CLSTN3: variants seen among roughly 807,000 people sequenced by gnomAD.
CLSTN3 encodes the protein calsyntenin-3.
CLSTN3 carries 36 observed loss-of-function variants against 95.9 expected under a neutral mutation model. The observed-to-expected ratio is 0.38, with a 90% CI of 0.29 to 0.50. The LOEUF is 0.50. CLSTN3 is among the 20% of genes least tolerant of loss of function. The pLI is 0.95. For synonymous variants in CLSTN3, 481 were observed against 504.0 expected, an observed-to-expected ratio of 0.95 and a Z score of 0.61; for missense variants, 1,084 against 1,268.8, an observed-to-expected ratio of 0.85 and a Z score of 2.21.
In CLSTN3 at chr12:7,141,710, A is replaced by G. The variant is rs1939529314; in HGVS notation, c.1486+306A>G. Among the ~76,000 whole-genome samples the G allele has an allele frequency of 6.6e-6, 1 of 152,144 alleles. No individual in the cohort carries two copies. Among genetic ancestry groups the G allele is most frequent in the Non-Finnish European group, 1.5e-5 (1 of 68,024 alleles). ...AAAGTGATGATGACTTCCATAGCCC[A>G]TTCCCCTGCTCAAGGAGAGTAACCC... On this transcript the variant is annotated intron_variant, in intron 9 of 17. Coordinates refer to ENST00000266546, the MANE Select transcript of CLSTN3 (RefSeq NM_014718.4). The surrounding 1 kb of genome is among the most constrained non-coding windows in gnomAD (Gnocchi z 4.1).
rs751316941 is a variant in CLSTN3 at position 7,150,728 on chromosome 12, C to T, written c.2391+39C>T. 45 of 1,602,250 alleles carry T rather than the reference C, an allele frequency of 2.8e-5. No individual in the cohort carries two copies. Among genetic ancestry groups the T allele is most frequent in the Non-Finnish European group, 3.6e-5 (42 of 1,170,478 alleles). ...CTCCTTCCTTCCACAGTTACCCACC[C>T]CCAGAAAGGAGCTGAGGTGGCATGG... is the stretch of plus-strand genomic sequence containing the variant. On this transcript the variant is annotated intron_variant, in intron 15 of 17. Coordinates refer to ENST00000266546, the MANE Select transcript of CLSTN3 (RefSeq NM_014718.4). This position sits in a 1 kb window ranked among gnomAD's most constrained non-coding sequence, Gnocchi z 4.0.
intron 1 of CLSTN3, chr12:7,131,907 T>G (rs1939312052): frequency 4.4e-6 from 2 of 455,756 alleles, no homozygotes; most frequent in Non-Finnish European, 8.8e-6. Flanking sequence ...AATCAGGGTT[T>G]CTTGCTCACC....
intron 12 of CLSTN3, among the ~76,000 whole-genome samples, chr12:7,143,969 C>T (rs1434475716): frequency 6.6e-6 from 1 of 152,296 alleles, no homozygotes; most frequent in African/African-American, 2.4e-5. Context: ...CACGGTGGCT[C>T]ACGCCTGTAA....
At position 7,149,172 on chromosome 12, in the gene CLSTN3, A is replaced by G. The variant is rs1307978446; in HGVS notation, c.2048A>G (p.Lys683Arg). 6.2e-7 allele frequency: 1 copy of G among 1,614,148 alleles called. No homozygotes were observed. Among genetic ancestry groups the G allele is most frequent in the South Asian group, 1.1e-5 (1 of 91,082 alleles). ...TCCATTTCTCACCAGGTGGAGGCCA[A>G]AAAGGATGAGAGTTGGCAGGGCACA... ...TCSISHQVEA[K>R]KDESWQGTVT... Residue 683 changes from lysine (K) to arginine (R), a missense_variant, in exon 13 of 18, where the codon AAA becomes AGA. Coordinates refer to ENST00000266546, the MANE Select transcript of CLSTN3 (RefSeq NM_014718.4). This position sits in a 1 kb window ranked among gnomAD's most constrained non-coding sequence, Gnocchi z 4.5.
intron 16 of CLSTN3, among the ~76,000 whole-genome samples, chr12:7,153,286 A>T (rs975599544): frequency 1.3e-5 from 2 of 152,270 alleles, no homozygotes; most frequent in Non-Finnish European, 1.5e-5. Context: ...CCTGAGGAGC[A>T]GATGCATGCC....
rs138902965 is a variant in CLSTN3 at position 7,136,510 on chromosome 12, G to C, written c.928+119G>C. On this transcript the variant is annotated intron_variant, in intron 6 of 17. Transcript: ENST00000266546. ...CATCCACAGGTGTTTATCCATAGAG[G>C]TTGTGACACGATTAGCATTTGCGGC... The C allele has an allele frequency of 3.3e-5, 34 of 1,040,648 alleles. No individual in the cohort carries two copies. In the African/African-American group the frequency reaches 4.9e-4, roughly 15 times the overall value. The allele number at this position is 1,040,648 out of a possible 1,614,324, so 64.5% of individuals were successfully genotyped here.
rs1443972078 is a variant in CLSTN3, at chr12:7,149,258, G to A, written c.2074+60G>A. Reference sequence around the variant, plus strand: ...GAACCAGCCAGTGTCTGGAGTCAGAGTGTGGGAGAACTCCTGGGGCTGGAA... The same window carrying A: ...GAACCAGCCAGTGTCTGGAGTCAGAATGTGGGAGAACTCCTGGGGCTGGAA... On this transcript the variant is annotated intron_variant, in intron 13 of 17. Coordinates refer to ENST00000266546, the MANE Select transcript of CLSTN3 (RefSeq NM_014718.4). The surrounding 1 kb of genome is among the most constrained non-coding windows in gnomAD (Gnocchi z 4.5). 1 of 1,435,418 alleles carries A rather than the reference G, an allele frequency of 7.0e-7. No homozygotes were observed. Among genetic ancestry groups the A allele is most frequent in the Non-Finnish European group, 9.7e-7 (1 of 1,029,078 alleles). The allele number at this position is 1,435,418 out of a possible 1,614,324, so 88.9% of individuals were successfully genotyped here.
At chr12:7,156,954 G>A in intron 16 of CLSTN3, 1 of 399,068 alleles carries the variant, frequency 2.5e-6, no homozygotes, top group Non-Finnish European at 5.0e-6. Flanking sequence ...GGGCTGCTCT[G>A]TGCCCCTTGG....
At chr12:7,130,186 C>T (rs931720451), upstream of CLSTN3, 2 of 227,226 alleles carry the variant, frequency 8.8e-6, no homozygotes, top group African/African-American at 4.7e-5. Flanking sequence ...CCAGCTTCCT[C>T]CCCAGCCCCC....
In CLSTN3 at chr12:7,150,621, A is replaced by C. The variant is rs750227094; in HGVS notation, c.2323A>C (p.Thr775Pro). Residue 775 changes from threonine (T) to proline (P), a missense_variant, in exon 15 of 18, where the codon ACC becomes CCC. Thr to Pro is a conservative substitution (Grantham distance 38, BLOSUM62 -1). Transcript: ENST00000266546. The surrounding 1 kb of genome is among the most constrained non-coding windows in gnomAD (Gnocchi z 4.0). ...YRLRHGAALY[T>P]RKFRLSCSEM... ...GCTGCGACACGGAGCTGCCCTCTACACCAGGAAGTTCCGGCTTTCCTGCTC... is the reference window on the plus strand; with the variant it reads ...GCTGCGACACGGAGCTGCCCTCTACCCCAGGAAGTTCCGGCTTTCCTGCTC... The C allele has an allele frequency of 6.8e-6, 11 of 1,614,024 alleles. No homozygotes were observed. The highest frequency in any genetic ancestry group is 9.3e-6 in the Non-Finnish European group (11 of 1,180,014).
chr12:7,146,035 C>T (rs11055099), intron 12 of CLSTN3, among the ~76,000 whole-genome samples: 1,613 of 152,248 alleles, frequency 0.011, 22 homozygotes, highest in African/African-American at 0.037. Context: ...CTCTAGTCTT[C>T]GAATTTTATT....
intron 3 of CLSTN3, among the ~76,000 whole-genome samples, chr12:7,135,058 G>A (rs1447749215): frequency 6.6e-6 from 1 of 151,942 alleles, no homozygotes; most frequent in Non-Finnish European, 1.5e-5. Flanking sequence ...CTGGCATATG[G>A]GTGTACCGTG....
intron 1 of CLSTN3, chr12:7,130,941 G>A (rs1158206258): frequency 1.7e-6 from 1 of 599,670 alleles, no homozygotes; most frequent in Non-Finnish European, 3.0e-6. Flanking sequence ...TCTCTTGCTG[G>A]TCATCTTGCT....
At chr12:7,142,180 C>T (rs1476742165) in intron 10 of CLSTN3, 41 bp downstream of exon 10, 2 of 1,519,794 alleles carry the variant, frequency 1.3e-6, no homozygotes, top group Non-Finnish European at 9.1e-7. Flanking sequence ...GAGTTCTCAT[C>T]TTCACTTTCT....
At chr12:7,136,697 AAAGGCCATAAAAGGTGGC>A in intron 6 of CLSTN3, 114 bp from the exon 7 acceptor site, 2 of 985,762 alleles carry the variant, frequency 2.0e-6, no homozygotes, top group Non-Finnish European at 3.1e-6. Flanking sequence ...CTTGTCTTTG[AAAGGCCATAAAAGGTGGC>A]AAGACGTGCT....
intron 3 of CLSTN3, among the ~76,000 whole-genome samples, chr12:7,135,113 T>C (rs779444432): frequency 2.0e-5 from 3 of 152,222 alleles, no homozygotes; most frequent in African/African-American, 7.2e-5. Flanking sequence ...TATCTCGTTG[T>C]GCCCATATTG....
At chr12:7,130,850 C>G (rs1021230555) in intron 1 of CLSTN3, 138 bp downstream of exon 1, 4 of 753,508 alleles carry the variant, frequency 5.3e-6, no homozygotes, top group African/African-American at 1.7e-5. Flanking sequence ...CCTTCCCATC[C>G]GTTCTCAGAC....
At chr12:7,146,527 C>T (rs962401803) in intron 12 of CLSTN3, among the ~76,000 whole-genome samples, 2 of 152,220 alleles carry the variant, frequency 1.3e-5, no homozygotes, top group African/African-American at 4.8e-5. Context: ...TCGCCATCCA[C>T]TCTGGGTCAG....
chr12:7,141,216 C>T lies in CLSTN3; in HGVS notation c.1324-26C>T, dbSNP rs1939519756. On this transcript the variant is annotated intron_variant, in intron 8 of 17. Coordinates refer to ENST00000266546, the MANE Select transcript of CLSTN3 (RefSeq NM_014718.4). This position sits in a 1 kb window ranked among gnomAD's most constrained non-coding sequence, Gnocchi z 4.1. ...CTCTGAAGACGAATTACCTGAGAGG[C>T]TCTTGCCCCTACCCTACTCTCCCAG... 3 of 1,607,944 alleles carry T rather than the reference C, an allele frequency of 1.9e-6. No individual in the cohort carries two copies. Among genetic ancestry groups the T allele is most frequent in the African/African-American group, 1.3e-5 (1 of 74,598 alleles).
Sources: allele counts gnomAD v4.1 joint callset (sites outside exome capture counted in the v4.1 genomes callset), GRCh38; gene constraint gnomAD v4.1.1; non-coding constraint Gnocchi (gnomAD v3.1); transcripts MANE v1.5; gene names NCBI Gene and HGNC (gene_info 2026-07-23, HGNC 2026-07-21).